UBE3B: variants seen among roughly 807,000 people sequenced by gnomAD.
UBE3B encodes the protein ubiquitin-protein ligase E3B.
Under a neutral mutation model 132.3 loss-of-function variants are expected in UBE3B, and 80 were observed. That is an observed-to-expected ratio of 0.60 (90% CI 0.50 to 0.73). The LOEUF (loss-of-function observed/expected upper bound fraction) is 0.73. UBE3B is among the 30% of genes least tolerant of loss of function. The probability of loss-of-function intolerance (pLI) is 0.00; values close to 1 mark genes in which losing one functional copy is unlikely to be tolerated. For synonymous variants in UBE3B, 487 were observed against 520.4 expected (o/e 0.94, Z 0.87); for missense variants, 1,196 against 1,362.5 (o/e 0.88, Z 1.92).
chr12:109,512,824 CT>C (rs1368014418), intron 18 of UBE3B, among the ~76,000 whole-genome samples: 1 of 152,224 alleles, frequency 6.6e-6, no homozygotes, highest in African/African-American at 2.4e-5. Flanking sequence ...ACGGCAATTA[CT>C]TAATCAAATG....
chr12:109,481,427 A>G (rs978618948), intron 1 of UBE3B, among the ~76,000 whole-genome samples: 2 of 152,066 alleles, frequency 1.3e-5, no homozygotes, highest in South Asian at 2.1e-4. Context: ...CAACTTTGGG[A>G]TTTATTTTCA....
chr12:109,509,620 T>C lies in UBE3B; in HGVS notation c.1647T>C (p.Tyr549=). 6.2e-7 allele frequency: 1 copy of C among 1,608,492 alleles called. No individual in the cohort carries two copies. Among genetic ancestry groups the C allele is most frequent in the South Asian group, 1.1e-5 (1 of 89,446 alleles). ...GAATCCTTGATGACATTGAAGTTTA[T>C]GAAGAACAGATTTCATTCAAACTGG... ...LITILDDIEV[Y]EEQISFKLEE... The change falls in exon 16 of 28, where the codon TAT becomes TAC. Residue 549 remains tyrosine (Y), a synonymous_variant. Transcript: ENST00000342494.
chr12:109,540,516 C>G (rs954232163), downstream of UBE3B, among the ~76,000 whole-genome samples: 2 of 152,168 alleles, frequency 1.3e-5, no homozygotes, highest in South Asian at 2.1e-4. Flanking sequence ...CACCGGGCCC[C>G]CTATGTGCAG....
intron 16 of UBE3B, among the ~76,000 whole-genome samples, 180 bp from the exon 17 acceptor site, chr12:109,510,164 C>T (rs1880181959): frequency 6.6e-6 from 1 of 152,192 alleles, no homozygotes; most frequent in African/African-American, 2.4e-5. Context: ...CTGAGAGGTA[C>T]TCAGGCCCTG....
chr12:109,521,195 G>T lies in UBE3B; in HGVS notation c.2124G>T (p.Gly708=), dbSNP rs1262126040. The change falls in exon 20 of 28, where the codon GGG becomes GGT. Residue 708 remains glycine, a synonymous_variant. Coordinates refer to ENST00000342494, the MANE Select transcript of UBE3B (RefSeq NM_130466.4). This position sits in a 1 kb window ranked among gnomAD's most constrained non-coding sequence, Gnocchi z 4.2. ...LRQLSQHAMK[G]VIRVKFVNDL... Reference sequence around the variant, plus strand: ...AGCTCTCCCAGCACGCCATGAAGGGGGTCATCCGTGTGAAGTTTGTCAATG... The same window carrying T: ...AGCTCTCCCAGCACGCCATGAAGGGTGTCATCCGTGTGAAGTTTGTCAATG... 6.2e-7 allele frequency: 1 copy of T among 1,614,084 alleles called. No homozygotes were observed. The highest frequency in any genetic ancestry group is 1.7e-5 in the Admixed American group (1 of 60,000).
At chr12:109,514,819 A>G (rs1239761341) in intron 18 of UBE3B, among the ~76,000 whole-genome samples, 1 of 151,980 alleles carries the variant, frequency 6.6e-6, no homozygotes, top group Non-Finnish European at 1.5e-5. Flanking sequence ...TACTCAGAGC[A>G]CGTCAGTCCT....
At chr12:109,524,218 G>T in intron 22 of UBE3B, 103 bp downstream of exon 22, 1 of 1,517,794 alleles carries the variant, frequency 6.6e-7, no homozygotes. Context: ...TGCTGTTGCT[G>T]TAGCTGCTAC....
At chr12:109,524,839 C>A (rs1192129282) in intron 23 of UBE3B, among the ~76,000 whole-genome samples, 1 of 151,968 alleles carries the variant, frequency 6.6e-6, no homozygotes, top group Non-Finnish European at 1.5e-5. Flanking sequence ...GGGGAAGATG[C>A]CACCTGAGAA....
At chr12:109,487,241 T>C (rs549657175) in intron 6 of UBE3B, among the ~76,000 whole-genome samples, 1 of 152,318 alleles carries the variant, frequency 6.6e-6, no homozygotes, top group South Asian at 2.1e-4. Flanking sequence ...GTACTGCCAC[T>C]AGCCCAGCCT....
rs201964985 is a variant in UBE3B at position 109,534,798 on chromosome 12, T to G, written c.*16T>G. ...ACTCTCCTAGCTCCTGTCCCAGCCCTGCCTCCAGGGCTCCTGGGCTGCCAG... is the reference window on the plus strand; with the variant it reads ...ACTCTCCTAGCTCCTGTCCCAGCCCGGCCTCCAGGGCTCCTGGGCTGCCAG... On this transcript the variant is annotated 3_prime_UTR_variant, in exon 28 of 28. Transcript: ENST00000342494. This position sits in a 1 kb window ranked among gnomAD's most constrained non-coding sequence, Gnocchi z 5.2. 40 of 1,490,084 alleles carry G rather than the reference T, an allele frequency of 2.7e-5. No individual in the cohort carries two copies. In the African/African-American group the frequency reaches 4.9e-4, roughly 18 times the overall value. The allele number at this position is 1,490,084 out of a possible 1,614,324, so 92.3% of individuals were successfully genotyped here. A position where few individuals can be genotyped will look rare whatever the true frequency, so the allele number is the denominator to read the frequency against.
chr12:109,544,826 T>C, the UBE3B span, among the ~76,000 whole-genome samples: 1 of 152,250 alleles, frequency 6.6e-6, no homozygotes, highest in African/African-American at 2.4e-5. Flanking sequence ...GCTGGTCGGC[T>C]GGGCACAGCG....
rs1276339979 is a variant in UBE3B, at chr12:109,501,502, C to T, written c.1250C>T (p.Pro417Leu). 2 of 1,614,072 alleles carry T rather than the reference C, an allele frequency of 1.2e-6. No homozygotes were observed. Among genetic ancestry groups the T allele is most frequent in the Non-Finnish European group, 1.7e-6 (2 of 1,180,034 alleles). Reference protein sequence around the residue: ...LESQEPAHAQPASPQNVLPVK... With the variant: ...LESQEPAHAQLASPQNVLPVK... ...AGCCAGGAGCCAGCCCACGCACAGC[C>T]AGCATCCCCTCAGAATGTGCTCCCA... The change falls in exon 13 of 28, where the codon CCA becomes CTA. Residue 417 changes from proline (P) to leucine (L), a missense_variant. Pro to Leu is a moderately conservative substitution (Grantham distance 98). Transcript: ENST00000342494.
rs1166867465 is a variant in UBE3B, at chr12:109,498,365, TG to T, written c.940+14del. The T allele has an allele frequency of 6.2e-7, 1 of 1,611,940 alleles. No individual in the cohort carries two copies. The highest frequency in any genetic ancestry group is 1.3e-5 in the African/African-American group (1 of 74,900). ...GCTTTGTCTAATGGGTAAGTATCCG[TG>T]GCTGGAACTTGATTGTGTCCTGGCC... On this transcript the variant is annotated intron_variant, in intron 11 of 27. Transcript: ENST00000342494.
At chr12:109,540,023 C>T (rs1883579185), downstream of UBE3B, among the ~76,000 whole-genome samples, 1 of 151,668 alleles carries the variant, frequency 6.6e-6, no homozygotes, top group South Asian at 2.1e-4. Flanking sequence ...CTGCTGGAGC[C>T]CACCAGCAAC....
At position 109,511,225 on chromosome 12, in the gene UBE3B, C is replaced by A; in HGVS notation, c.1878C>A (p.Leu626=). 6.2e-7 allele frequency: 1 copy of A among 1,614,162 alleles called. No homozygotes were observed. Among genetic ancestry groups the A allele is most frequent in the African/African-American group, 1.3e-5 (1 of 75,050 alleles). ...WLRKDLKPSV[L]FQELDRDRKR... ...CAAGGGATCTCAAACCTAGCGTGCT[C>A]TTCCAAGAACTCGACAGGGACAGAA... is the stretch of plus-strand genomic sequence containing the variant. The change falls in exon 18 of 28, where the codon CTC becomes CTA. Residue 626 remains leucine, a synonymous_variant. Transcript: ENST00000342494.
At chr12:109,527,865 A>T (rs1206156962) in intron 24 of UBE3B, among the ~76,000 whole-genome samples, 1 of 152,168 alleles carries the variant, frequency 6.6e-6, no homozygotes, top group Non-Finnish European at 1.5e-5. Flanking sequence ...GGCTTAAATG[A>T]CAGCAGTGAT....
At chr12:109,484,006 A>G in intron 4 of UBE3B, 25 bp downstream of exon 4, 3 of 1,589,850 alleles carry the variant, frequency 1.9e-6, no homozygotes, top group South Asian at 2.3e-5. Context: ...GCAAACATGT[A>G]TAATACTTCC....
chr12:109,511,088 C>G, intron 17 of UBE3B, 116 bp from the exon 18 acceptor site: 1 of 859,132 alleles, frequency 1.2e-6, no homozygotes, highest in Non-Finnish European at 1.9e-6. Context: ...TCCCATCAGA[C>G]TCTTGAGAAA....
intron 9 of UBE3B, chr12:109,492,873 TA>T (rs1196538985): frequency 1.3e-5 from 2 of 152,250 alleles, no homozygotes; most frequent in African/African-American, 4.8e-5. Context: ...TTAAATGTGT[TA>T]CATTTTTCTC....
Sources: gnomAD v4.1 joint callset for allele counts (sites outside exome capture counted in the v4.1 genomes callset) on GRCh38, gnomAD v4.1.1 for gene constraint, Gnocchi (gnomAD v3.1) non-coding constraint, MANE v1.5 for transcripts, NCBI Gene and HGNC (gene_info 2026-07-23, HGNC 2026-07-21) for gene names.